Variants in PHACTR3 observed in about 807,000 individuals in gnomAD.
The protein encoded by PHACTR3 is protein phosphatase 1, regulatory subunit 123.
Under a neutral mutation model 66.8 loss-of-function variants are expected in PHACTR3, and 16 were observed. The ratio of observed to expected loss-of-function variants is 0.24; its 90% CI spans 0.16 to 0.36. The LOEUF is 0.36. Ranked by LOEUF, PHACTR3 falls within the 10% of genes least tolerant of loss-of-function variation. The probability of loss-of-function intolerance (pLI) is 1.00; values close to 1 mark genes in which losing one functional copy is unlikely to be tolerated. For synonymous variants in PHACTR3, 323 were observed against 292.1 expected, an observed-to-expected ratio of 1.11 and a Z score of -1.08; for missense variants, 647 against 719.9, an observed-to-expected ratio of 0.90 and a Z score of 1.16.
intron 3 of PHACTR3, among the ~76,000 whole-genome samples, 180 bp downstream of exon 3, chr20:59,748,015 C>T (rs556521036): frequency 8.5e-5 from 13 of 152,168 alleles, no homozygotes; most frequent in Non-Finnish European, 1.9e-4. Context: ...TTGGTCCAGC[C>T]CCCAGGGGCA....
At position 59,761,527 on chromosome 20, in the gene PHACTR3, G is replaced by A. The variant is rs374439195; in HGVS notation, c.542-5659G>A. Among the ~76,000 whole-genome samples, 7 of 152,356 alleles carry A rather than the reference G, an allele frequency of 4.6e-5. No individual in the cohort carries two copies. In the East Asian group the frequency reaches 5.8e-4, roughly 13 times the overall value. On this transcript the variant is annotated intron_variant, in intron 4 of 12. Coordinates refer to ENST00000371015, the MANE Select transcript of PHACTR3 (RefSeq NM_080672.5). Reference sequence around the variant, plus strand: ...TCAGTGGGTGGTAACTGGCTGCAAAGTGTGTCCCCTGCCCTGGTAGCCCTC... The same window carrying A: ...TCAGTGGGTGGTAACTGGCTGCAAAATGTGTCCCCTGCCCTGGTAGCCCTC...
In PHACTR3 at chr20:59,774,261, T is replaced by C. The variant is rs746819948; in HGVS notation, c.945T>C (p.Ser315=). ...GGTTTAGTTTTCAAGGAAGAGAAAG[T>C]AAAGGGTCTCCAAAGAAGCGGCTGG... ...HRQDSFQGRE[S]KGSPKKRLDV... The change falls in exon 7 of 13, where the codon AGT becomes AGC. Residue 315 remains serine (S), a synonymous_variant. Transcript: ENST00000371015. 2 of 1,598,828 alleles carry C rather than the reference T, an allele frequency of 1.3e-6. No homozygotes were observed. The highest frequency in any genetic ancestry group is 2.2e-5 in the East Asian group (1 of 44,740).
At chr20:59,661,149 G>A (rs1270275161) in intron 1 of PHACTR3, among the ~76,000 whole-genome samples, 2 of 152,234 alleles carry the variant, frequency 1.3e-5, no homozygotes, top group African/African-American at 4.8e-5. Flanking sequence ...CTAGGGGCAT[G>A]ATTAGCAGAA....
intron 1 of PHACTR3, among the ~76,000 whole-genome samples, chr20:59,684,770 C>T (rs2036795372): frequency 1.3e-5 from 2 of 152,234 alleles, no homozygotes; most frequent in Non-Finnish European, 1.5e-5. Flanking sequence ...GTGCCCACAA[C>T]TGTGCAGGCA....
intron 1 of PHACTR3, among the ~76,000 whole-genome samples, chr20:59,681,694 G>A (rs2036655272): frequency 1.3e-5 from 2 of 152,246 alleles, no homozygotes; most frequent in Admixed American, 1.3e-4. Flanking sequence ...CCCAGGTCCT[G>A]CAAGGAGCAG....
At chr20:59,789,056 A>C (rs1362185932) in intron 7 of PHACTR3, among the ~76,000 whole-genome samples, 4 of 152,206 alleles carry the variant, frequency 2.6e-5, no homozygotes, top group Non-Finnish European at 5.9e-5. Context: ...CAAACGAGAG[A>C]CTGGACAAAA....
chr20:59,794,123 CAAAA>C (rs71183186), intron 7 of PHACTR3, among the ~76,000 whole-genome samples: 4 of 97,854 alleles, frequency 4.1e-5, no homozygotes, highest in Non-Finnish European at 7.5e-5. Context: ...GACTCCATCT[CAAAA>C]AAAAAAAAAA....
chr20:59,726,879 T>C (rs1464771167), intron 1 of PHACTR3, among the ~76,000 whole-genome samples: 2 of 152,182 alleles, frequency 1.3e-5, no homozygotes, highest in Non-Finnish European at 2.9e-5. Flanking sequence ...CTATGTCCAG[T>C]TAAATATGTT....
intron 1 of PHACTR3, among the ~76,000 whole-genome samples, chr20:59,666,367 T>C (rs1252134957): frequency 6.6e-6 from 1 of 152,040 alleles, no homozygotes; most frequent in Non-Finnish European, 1.5e-5. Context: ...TACAGAAAGA[T>C]AGGGTTGGAC....
At chr20:59,624,197 T>G (rs1441380699) in intron 1 of PHACTR3, among the ~76,000 whole-genome samples, 2 of 152,238 alleles carry the variant, frequency 1.3e-5, no homozygotes, top group East Asian at 1.9e-4. Flanking sequence ...TTTGGATATT[T>G]TGATCCCCAG....
chr20:59,773,415 G>C lies in PHACTR3; in HGVS notation c.888G>C (p.Glu296Asp). The C allele has an allele frequency of 6.2e-7, 1 of 1,613,840 alleles. No homozygotes were observed. Among genetic ancestry groups the C allele is most frequent in the Admixed American group, 1.7e-5 (1 of 60,006 alleles). ...RPLPPSRVIEELHRALATKHR... is the reference protein window; with the variant it reads ...RPLPPSRVIEDLHRALATKHR... ...TTCCCCCAAGCCGCGTCATTGAGGA[G>C]CTGCACAGGGCGCTGGCCACGAAGC... Residue 296 changes from glutamate to aspartate, a missense_variant, in exon 6 of 13, where the codon GAG becomes GAC. Glu to Asp is a conservative substitution (Grantham distance 45). This residue lies in a region of PHACTR3 where 577 missense variants were observed against 571.1 expected (regional missense o/e 1.01). Transcript: ENST00000371015.
At chr20:59,636,378 T>G (rs1051130764) in intron 1 of PHACTR3, among the ~76,000 whole-genome samples, 3 of 152,228 alleles carry the variant, frequency 2.0e-5, no homozygotes, top group African/African-American at 7.2e-5. Flanking sequence ...CCTGAGGAGC[T>G]GGGTGCTATT....
intron 7 of PHACTR3, among the ~76,000 whole-genome samples, chr20:59,793,441 T>G (rs2041162311): frequency 6.6e-6 from 1 of 152,224 alleles, no homozygotes; most frequent in Non-Finnish European, 1.5e-5. Context: ...TTCATTTATT[T>G]GTGTCATCTT....
intron 7 of PHACTR3, among the ~76,000 whole-genome samples, chr20:59,785,068 G>A (rs2040859388): frequency 6.6e-6 from 1 of 152,216 alleles, no homozygotes; most frequent in African/African-American, 2.4e-5. Flanking sequence ...GGAGGCTCAG[G>A]CAGGAGGGGA....
At chr20:59,714,601 A>G (rs1391075986) in intron 1 of PHACTR3, among the ~76,000 whole-genome samples, 1 of 152,186 alleles carries the variant, frequency 6.6e-6, no homozygotes, top group African/African-American at 2.4e-5. Flanking sequence ...ATCAGTCATG[A>G]TATCTGATAG....
At chr20:59,632,831 C>T (rs2034715152) in intron 1 of PHACTR3, among the ~76,000 whole-genome samples, 1 of 152,226 alleles carries the variant, frequency 6.6e-6, no homozygotes, top group African/African-American at 2.4e-5. Flanking sequence ...GCTTTAAGTG[C>T]ATGCCCAGTC....
intron 1 of PHACTR3, among the ~76,000 whole-genome samples, chr20:59,582,640 C>T (rs1467120826): frequency 1.3e-5 from 2 of 152,194 alleles, no homozygotes; most frequent in Admixed American, 1.3e-4. Context: ...GTGAAAATTA[C>T]ATTGTTCAAT....
At chr20:59,708,108 T>A (rs551449801) in intron 1 of PHACTR3, among the ~76,000 whole-genome samples, 41 of 152,322 alleles carry the variant, frequency 2.7e-4, no homozygotes, top group African/African-American at 8.9e-4. Context: ...CTGATTTGAT[T>A]GGCCAGGCCT....
intron 1 of PHACTR3, among the ~76,000 whole-genome samples, chr20:59,709,146 C>T (rs1348814828): frequency 6.6e-6 from 1 of 152,220 alleles, no homozygotes; most frequent in Non-Finnish European, 1.5e-5. Context: ...AACGTTCAGT[C>T]TCTTTTATTC....
Sources: allele counts gnomAD v4.1 joint callset (sites outside exome capture counted in the v4.1 genomes callset), GRCh38; gene constraint gnomAD v4.1.1; regional missense constraint gnomAD v4.1.1; transcripts MANE v1.5; gene names NCBI Gene and HGNC (gene_info 2026-07-23, HGNC 2026-07-21).